Variants in SATB2 observed in about 807,000 individuals in gnomAD.
SATB2 encodes the protein DNA-binding protein SATB2.
A neutral mutation model predicts 73.4 loss-of-function variants in SATB2; 1 was observed. That is an observed-to-expected ratio of 0.01 (90% confidence interval 0.00 to 0.06). The LOEUF is 0.06. SATB2 is among the 10% of genes least tolerant of loss of function. The pLI is 1.00. For synonymous variants in SATB2, 397 were observed against 367.0 expected, an observed-to-expected ratio of 1.08 and a Z score of -0.93; for missense variants, 459 against 945.8, an observed-to-expected ratio of 0.49 and a Z score of 6.75.
chr2:199,347,272 T>G (rs1462883708), intron 7 of SATB2: 1 of 152,224 alleles, frequency 6.6e-6, no homozygotes, highest in African/African-American at 2.4e-5. Context: ...GTAAGGTCCA[T>G]CTACAGCGTG....
intron 9 of SATB2, among the ~76,000 whole-genome samples, chr2:199,313,642 T>C (rs1035347114): frequency 6.6e-6 from 1 of 152,222 alleles, no homozygotes; most frequent in African/African-American, 2.4e-5. Context: ...AAAAGTTGCA[T>C]ATCAATTTAC....
chr2:199,428,922 C>T (rs1391663831), intron 3 of SATB2, among the ~76,000 whole-genome samples: 1 of 150,776 alleles, frequency 6.6e-6, no homozygotes, highest in African/African-American at 2.4e-5. Flanking sequence ...AGGAAGATTG[C>T]TTGAACCCAA....
chr2:199,403,062 C>A (rs2105894650), intron 3 of SATB2, among the ~76,000 whole-genome samples: 1 of 152,268 alleles, frequency 6.6e-6, no homozygotes, highest in Non-Finnish European at 1.5e-5. Flanking sequence ...ATTTGTCAAC[C>A]AGGCATAGAA....
At chr2:199,315,936 T>C (rs1687720904) in intron 9 of SATB2, among the ~76,000 whole-genome samples, 2 of 152,062 alleles carry the variant, frequency 1.3e-5, no homozygotes, top group African/African-American at 4.8e-5. Flanking sequence ...TCTCAGCAAA[T>C]GAACAGTTCT....
chr2:199,316,051 G>C (rs1406635088), intron 9 of SATB2, among the ~76,000 whole-genome samples: 1 of 152,062 alleles, frequency 6.6e-6, no homozygotes, highest in Non-Finnish European at 1.5e-5. Context: ...AAAGGGAAAT[G>C]TTTTCTGAGT....
intron 6 of SATB2, among the ~76,000 whole-genome samples, chr2:199,368,186 C>T (rs1689342923): frequency 6.6e-6 from 1 of 152,012 alleles, no homozygotes. Flanking sequence ...ATGCAGAGCC[C>T]GTGTTTTCAC....
Position 199,455,837 on chromosome 2 carries a change from G to T in SATB2, c.169+32C>A, listed in dbSNP as rs986758309. 6.5e-7 allele frequency: 1 copy of T among 1,533,890 alleles called. No homozygotes were observed. Among genetic ancestry groups the T allele is most frequent in the South Asian group, 1.2e-5 (1 of 83,942 alleles). On this transcript the variant is annotated intron_variant, in intron 2 of 10. Coordinates refer to ENST00000417098, the MANE Select transcript of SATB2 (RefSeq NM_001172509.2). The surrounding 1 kb of genome is among the most constrained non-coding windows in gnomAD (Gnocchi z 4.1). ...ACCCGGGCCATTATCACTGGGCCGC[G>T]GGCTGCGCGCCTCCCTGCTCCGGGC...
intron 3 of SATB2, among the ~76,000 whole-genome samples, chr2:199,401,521 C>T (rs1690477198): frequency 6.6e-6 from 1 of 151,074 alleles, no homozygotes; most frequent in African/African-American, 2.4e-5. Flanking sequence ...CCACTGCACT[C>T]CGAGCAAGAC....
intron 9 of SATB2, among the ~76,000 whole-genome samples, chr2:199,312,774 C>T (rs1164455639): frequency 6.6e-6 from 1 of 152,136 alleles, no homozygotes; most frequent in African/African-American, 2.4e-5. Context: ...ACTGACACCA[C>T]GAATGCTCTG....
chr2:199,397,381 A>G (rs1205101721), intron 3 of SATB2: 1 of 152,312 alleles, frequency 6.6e-6, no homozygotes, highest in East Asian at 1.9e-4. Flanking sequence ...AAGAATTTAT[A>G]ATCAAAGTCA....
rs1322218466 is a variant in SATB2 at position 199,420,219 on chromosome 2, C to T, written c.346+13119G>A. On this transcript the variant is annotated intron_variant, in intron 3 of 10. Transcript: ENST00000417098. ...TTAAATGAAGATAATTATGCTTATG[C>T]CACACGAGGTTTGCGAACATTAAAT... Among the ~76,000 whole-genome samples, 3 of 152,234 alleles carry T rather than the reference C, an allele frequency of 2.0e-5. No individual in the cohort carries two copies. The East Asian group carries it at 5.8e-4, about 29-fold the overall frequency.
chr2:199,458,799 A>G (rs1692384641), upstream of SATB2: 2 of 343,340 alleles, frequency 5.8e-6, no homozygotes, highest in South Asian at 3.9e-5. Flanking sequence ...CCCTCCGAGC[A>G]ACTTTTCCCG....
intron 5 of SATB2, chr2:199,369,070 C>T (rs1009429134): frequency 4.0e-5 from 8 of 198,834 alleles, no homozygotes; most frequent in Non-Finnish European, 6.2e-5. Context: ...GTTTCTGTTC[C>T]GCTTCCAACT....
chr2:199,342,348 G>GT (rs1688530234), intron 7 of SATB2, among the ~76,000 whole-genome samples: 1 of 150,092 alleles, frequency 6.7e-6, no homozygotes, highest in African/African-American at 2.5e-5. Flanking sequence ...TCACCTTACT[G>GT]TTTTCACTGG....
intron 2 of SATB2, among the ~76,000 whole-genome samples, chr2:199,447,374 G>A (rs1190463919): frequency 6.6e-6 from 1 of 152,168 alleles, no homozygotes; most frequent in Non-Finnish European, 1.5e-5. Flanking sequence ...TGTGCCCACA[G>A]AGCAACTCAG....
chr2:199,327,725 C>T (rs1054076538), intron 8 of SATB2, among the ~76,000 whole-genome samples: 1 of 152,054 alleles, frequency 6.6e-6, no homozygotes, highest in Admixed American at 6.6e-5. Flanking sequence ...GAAAAGAATA[C>T]TTTTCAAGTG....
intron 2 of SATB2, among the ~76,000 whole-genome samples, chr2:199,453,069 T>C (rs989064653): frequency 3.7e-4 from 56 of 152,260 alleles, no homozygotes; most frequent in African/African-American, 1.3e-3. Context: ...CTTTTATGAA[T>C]ACTTAGTTCT....
At chr2:199,403,013 A>G (rs974025354) in intron 3 of SATB2, among the ~76,000 whole-genome samples, 6 of 152,356 alleles carry the variant, frequency 3.9e-5, no homozygotes, top group Admixed American at 2.6e-4. Context: ...GAAATTTGAC[A>G]GTGTTAACAC....
At chr2:199,326,021 G>C (rs962888961) in intron 8 of SATB2, 8 of 152,012 alleles carry the variant, frequency 5.3e-5, no homozygotes, top group Non-Finnish European at 8.8e-5. Flanking sequence ...GATGGGGTCT[G>C]GAAAATAATC....
Sources: allele counts gnomAD v4.1 joint callset (sites outside exome capture counted in the v4.1 genomes callset), GRCh38; gene constraint gnomAD v4.1.1; non-coding constraint Gnocchi (gnomAD v3.1); transcripts MANE v1.5; gene names NCBI Gene and HGNC (gene_info 2026-07-23, HGNC 2026-07-21).